Variants in RBL1 observed in about 807,000 individuals in gnomAD.
RBL1 encodes RB transcriptional corepressor like 1.
In RBL1, 82 loss-of-function variants were observed where a neutral mutation model predicts 123.0. The ratio of observed to expected loss-of-function variants is 0.67; its 90% CI spans 0.56 to 0.80. RBL1 has a LOEUF of 0.80. RBL1 is among the 30% of genes least tolerant of loss of function. RBL1 has a pLI of 0.00. For missense variants in RBL1, 1,171 were observed against 1,299.6 expected (o/e 0.90, Z 1.52); for synonymous variants, 405 against 441.3 (o/e 0.92, Z 1.03).
chr20:37,021,389 A>G (rs1443670970), intron 17 of RBL1, among the ~76,000 whole-genome samples: 1 of 152,116 alleles, frequency 6.6e-6, no homozygotes, highest in Non-Finnish European at 1.5e-5. Context: ...CCTGAACTCT[A>G]ACAGTCTTCT....
At chr20:37,014,537 G>A (rs6103222) in intron 19 of RBL1, among the ~76,000 whole-genome samples, 3 of 152,152 alleles carry the variant, frequency 2.0e-5, no homozygotes, top group East Asian at 3.9e-4. Context: ...GGTGACTCAC[G>A]CCTGTAATCC....
At chr20:37,079,465 ATT>A (rs768901139) in intron 2 of RBL1, among the ~76,000 whole-genome samples, 4 of 115,674 alleles carry the variant, frequency 3.5e-5, no homozygotes, top group African/African-American at 6.8e-5. Flanking sequence ...GGCTTAAAGC[ATT>A]TTTTTTTTTT....
intron 20 of RBL1, among the ~76,000 whole-genome samples, chr20:37,004,739 A>ATTCTG (rs1321462232): frequency 8.8e-5 from 12 of 136,344 alleles, no homozygotes; most frequent in African/African-American, 2.2e-4. Flanking sequence ...AAAAAAAAGA[A>ATTCTG]TTCTGGGGCC....
intron 7 of RBL1, among the ~76,000 whole-genome samples, chr20:37,063,168 C>T (rs1267373641): frequency 6.6e-6 from 1 of 152,150 alleles, no homozygotes; most frequent in Non-Finnish European, 1.5e-5. Context: ...GCCTCTACCT[C>T]CCAGGTTTAA....
At chr20:37,085,578 A>G (rs2065529550) in intron 2 of RBL1, among the ~76,000 whole-genome samples, 1 of 152,080 alleles carries the variant, frequency 6.6e-6, no homozygotes, top group African/African-American at 2.4e-5. Flanking sequence ...CAGTAGCATT[A>G]AGTACATTCA....
intron 2 of RBL1, among the ~76,000 whole-genome samples, chr20:37,083,074 A>T (rs547211323): frequency 6.6e-6 from 1 of 152,348 alleles, no homozygotes; most frequent in African/African-American, 2.4e-5. Context: ...TTATAAGTCA[A>T]AGCAAACAAA....
At chr20:36,999,847 T>G (rs1442519665) in intron 21 of RBL1, among the ~76,000 whole-genome samples, 1 of 152,022 alleles carries the variant, frequency 6.6e-6, no homozygotes, top group African/African-American at 2.4e-5. Flanking sequence ...CGCTACAACC[T>G]CCACTTCCCA....
At chr20:37,000,528 C>T (rs62206474) in intron 21 of RBL1, among the ~76,000 whole-genome samples, 41 of 137,806 alleles carry the variant, frequency 3.0e-4, no homozygotes, top group South Asian at 7.0e-4. Flanking sequence ...CGCCTCTGCC[C>T]GGCCGCCCCT....
chr20:37,039,677 G>A (rs908871959), intron 14 of RBL1, among the ~76,000 whole-genome samples: 12 of 152,106 alleles, frequency 7.9e-5, no homozygotes, highest in African/African-American at 2.7e-4. Context: ...CCAATTTTGG[G>A]TATGTCTTTA....
At chr20:37,039,781 G>A (rs146536405) in intron 14 of RBL1, among the ~76,000 whole-genome samples, 3,502 of 151,460 alleles carry the variant, frequency 0.023, 51 homozygotes, top group Non-Finnish European at 0.034. Context: ...TCACTATTTC[G>A]CCCAGGCTGG....
intron 16 of RBL1, among the ~76,000 whole-genome samples, chr20:37,031,204 A>G (rs1231340705): frequency 6.6e-6 from 1 of 152,214 alleles, no homozygotes; most frequent in Non-Finnish European, 1.5e-5. Flanking sequence ...TGACTTTATT[A>G]AGATTAAAAA....
chr20:37,011,877 CCCACGGTCTCCCTCTCCCTCTCTTT>C (rs1464870924), intron 19 of RBL1, among the ~76,000 whole-genome samples: 174 of 152,286 alleles, frequency 1.1e-3, no homozygotes, highest in African/African-American at 3.3e-3. Flanking sequence ...ACTCCCTCTC[CCCACGGTCTCCCTCTCCCTCTCTTT>C]CCACGGTCTC....
intron 11 of RBL1, 77 bp downstream of exon 11, chr20:37,055,476 T>C: frequency 6.2e-7 from 1 of 1,603,868 alleles, no homozygotes; most frequent in Non-Finnish European, 8.5e-7. Context: ...CCACAACGCC[T>C]TACAGAGCCT....
Position 37,095,913 on chromosome 20 carries a change from G to A in RBL1, c.16C>T (p.Pro6Ser), listed in dbSNP as rs1263818236. Residue 6 changes from proline (P) to serine (S), a missense_variant, in exon 1 of 22, where the codon CCC becomes TCC. Transcript: ENST00000373664. MFEDKPHAEGAAVVAA... is the reference protein window; with the variant it reads MFEDKSHAEGAAVVAA... ...ACCACCGCCGCCCCCTCAGCGTGGG[G>A]CTTGTCCTCGAACATCCCTTCAGGC... 2 of 1,594,856 alleles carry A rather than the reference G, an allele frequency of 1.3e-6. No individual in the cohort carries two copies. The highest frequency in any genetic ancestry group is 1.7e-6 in the Non-Finnish European group (2 of 1,171,676).
intron 16 of RBL1, among the ~76,000 whole-genome samples, chr20:37,032,354 G>A (rs1814035801): frequency 6.6e-6 from 1 of 152,108 alleles, no homozygotes; most frequent in African/African-American, 2.4e-5. Context: ...CTCATAGGAA[G>A]AACCTAGAGT....
At position 37,056,167 on chromosome 20, in the gene RBL1, C is replaced by T. The variant is rs1183922472; in HGVS notation, c.1342G>A (p.Glu448Lys). 3 of 1,608,848 alleles carry T rather than the reference C, an allele frequency of 1.9e-6. No homozygotes were observed. The highest frequency in any genetic ancestry group is 2.5e-6 in the Non-Finnish European group (3 of 1,179,280). Residue 448 changes from glutamate (E) to lysine (K), a missense_variant, in exon 10 of 22, where the codon GAA becomes AAA. Coordinates refer to ENST00000373664, the MANE Select transcript of RBL1 (RefSeq NM_002895.5). ...TTACCTATGTGAGATCCTGGCTGTT[C>T]ATCTGTTGATTGAGTATAGTGTTGA... The part of the protein sequence containing the change: ...FCQHYTQSTD[E>K]QPGSHIDFAV...
intron 2 of RBL1, among the ~76,000 whole-genome samples, chr20:37,076,288 G>C (rs1415480596): frequency 6.6e-6 from 1 of 152,092 alleles, no homozygotes; most frequent in Non-Finnish European, 1.5e-5. Flanking sequence ...CTATGATAAA[G>C]TTTCATTTAC....
chr20:37,088,338 T>C (rs2065586605), intron 2 of RBL1, among the ~76,000 whole-genome samples: 1 of 150,108 alleles, frequency 6.7e-6, no homozygotes, highest in African/African-American at 2.5e-5. Flanking sequence ...AGAAAGCAAA[T>C]GGGATAAAAT....
chr20:37,032,590 A>G, intron 16 of RBL1, 75 bp downstream of exon 16: 1 of 1,565,804 alleles, frequency 6.4e-7, no homozygotes, highest in Non-Finnish European at 8.6e-7. Context: ...AAAAAAGACC[A>G]AAGTCTGTCT....
Sources: allele counts gnomAD v4.1 joint callset (sites outside exome capture counted in the v4.1 genomes callset), GRCh38; gene constraint gnomAD v4.1.1; transcripts MANE v1.5; gene names NCBI Gene and HGNC (gene_info 2026-07-23, HGNC 2026-07-21).